LRBA: variants seen among roughly 807,000 people sequenced by gnomAD.
The protein encoded by LRBA is lipopolysaccharide-responsive and beige-like anchor protein.
Under a neutral mutation model 330.0 loss-of-function variants are expected in LRBA, and 176 were observed. The observed-to-expected ratio is 0.53, with a 90% CI of 0.47 to 0.60. The LOEUF (loss-of-function observed/expected upper bound fraction) is 0.60, where lower values mean the gene tolerates loss of function less well. Ranked by LOEUF, LRBA falls within the 20% of genes least tolerant of loss-of-function variation. LRBA has a pLI of 0.00. For synonymous variants in LRBA, 1,230 were observed against 1,193.0 expected (o/e 1.03, Z -0.64); for missense variants, 3,259 against 3,444.8 (o/e 0.95, Z 1.35).
intron 47 of LRBA, among the ~76,000 whole-genome samples, chr4:150,383,794 G>A (rs1341667506): frequency 1.3e-5 from 2 of 151,838 alleles, no homozygotes; most frequent in African/African-American, 4.8e-5. Flanking sequence ...CCTGAGGGCA[G>A]AAATTTAAAA....
intron 36 of LRBA, among the ~76,000 whole-genome samples, chr4:150,694,736 C>T (rs1432778022): frequency 1.3e-5 from 2 of 151,794 alleles, no homozygotes; most frequent in Non-Finnish European, 2.9e-5. Flanking sequence ...AGGCAGAACA[C>T]TTATCAAAGT....
At chr4:150,863,463 A>G (rs1752225442) in intron 22 of LRBA, among the ~76,000 whole-genome samples, 1 of 152,102 alleles carries the variant, frequency 6.6e-6, no homozygotes, top group Non-Finnish European at 1.5e-5. Context: ...GGAGTTCGAG[A>G]CCAGCCTGGC....
At chr4:150,936,257 G>A (rs1476798056) in intron 2 of LRBA, among the ~76,000 whole-genome samples, 1 of 151,936 alleles carries the variant, frequency 6.6e-6, no homozygotes, top group African/African-American at 2.4e-5. Context: ...TAAATGTGAG[G>A]AATAACAATC....
rs1464206092 is a variant in LRBA at position 150,360,485 on chromosome 4, G to A, written c.7195-10326C>T. Reference sequence around the variant, plus strand: ...TGGACAGCACATGTTGATCACACTAGCCACATTTCAAGTGATCAACAACCA... The same window carrying A: ...TGGACAGCACATGTTGATCACACTAACCACATTTCAAGTGATCAACAACCA... On this transcript the variant is annotated intron_variant, in intron 47 of 56. Coordinates refer to ENST00000651943, the MANE Select transcript of LRBA (RefSeq NM_001364905.1). Among the ~76,000 whole-genome samples the A allele has an allele frequency of 2.0e-5, 3 of 152,062 alleles. No homozygotes were observed. The East Asian group carries it at 5.8e-4, about 29-fold the overall frequency.
Position 150,893,093 on chromosome 4 carries a change from A to G in LRBA, c.2124T>C (p.Pro708=). 1 of 1,612,598 alleles carries G rather than the reference A, an allele frequency of 6.2e-7. No individual in the cohort carries two copies. Among genetic ancestry groups the G allele is most frequent in the Non-Finnish European group, 8.5e-7 (1 of 1,179,080 alleles). Residue 708 remains proline (P), a synonymous_variant, in exon 17 of 57, where the codon CCT becomes CCC. Coordinates refer to ENST00000651943, the MANE Select transcript of LRBA (RefSeq NM_001364905.1). ...QLLVALMSEH[P]NSMIPAFDQR... Reference sequence around the variant, plus strand: ...GGTCAAAAGCAGGAATCATAGAGTTAGGGTGTTCTGACATTAATGCAACAA... The same window carrying G: ...GGTCAAAAGCAGGAATCATAGAGTTGGGGTGTTCTGACATTAATGCAACAA...
At chr4:150,600,955 C>T (rs1774050306) in intron 37 of LRBA, among the ~76,000 whole-genome samples, 1 of 152,088 alleles carries the variant, frequency 6.6e-6, no homozygotes, top group African/African-American at 2.4e-5. Flanking sequence ...AGGATGCAGT[C>T]GTGAATCACA....
chr4:150,292,675 A>G (rs768970572), intron 53 of LRBA, among the ~76,000 whole-genome samples: 1 of 152,212 alleles, frequency 6.6e-6, no homozygotes, highest in Non-Finnish European at 1.5e-5. Context: ...TTCTTAAGAT[A>G]TGTGAGGTAC....
chr4:150,520,134 G>C (rs1054790052), intron 40 of LRBA, among the ~76,000 whole-genome samples: 3 of 152,132 alleles, frequency 2.0e-5, no homozygotes, highest in African/African-American at 7.2e-5. Context: ...TAATCATTTT[G>C]TTAATAATCT....
chr4:150,610,408 C>T (rs4642231), intron 37 of LRBA, among the ~76,000 whole-genome samples: 107,850 of 152,000 alleles, frequency 0.71, 45,012 homozygotes, highest in Non-Finnish European at 0.91. Flanking sequence ...GCCAACATGG[C>T]GAAAACTCGT....
intron 48 of LRBA, among the ~76,000 whole-genome samples, chr4:150,345,367 A>T (rs188062484): frequency 1.4e-4 from 21 of 152,346 alleles, no homozygotes; most frequent in African/African-American, 4.3e-4. Flanking sequence ...CTCACTTAAC[A>T]ATGAACTCAG....
chr4:150,268,355 A>AAGT (rs1745636318), intron 56 of LRBA, among the ~76,000 whole-genome samples: 2 of 152,234 alleles, frequency 1.3e-5, no homozygotes, highest in African/African-American at 4.8e-5. Flanking sequence ...ACATTTAAAG[A>AAGT]AGTATTAACA....
chr4:150,679,628 G>C (rs1011158074), intron 37 of LRBA: 1 of 152,284 alleles, frequency 6.6e-6, no homozygotes, highest in Non-Finnish European at 1.5e-5. Context: ...ATGTCTTTCA[G>C]GAAGAGACGC....
rs113344030 is a variant in LRBA at position 150,378,617 on chromosome 4, C to G, written c.7195-28458G>C. Among the ~76,000 whole-genome samples, 1,316 of 152,262 alleles carry G rather than the reference C, an allele frequency of 8.6e-3. 17 individuals are homozygous for G. The highest frequency in any genetic ancestry group is 0.03 in the African/African-American group (1,249 of 41,550). ...CTCATATGCATCAGAGACGGAATCA[C>G]ATTGTAAGTAAAGGTGTTAGGCTGC... On this transcript the variant is annotated intron_variant, in intron 47 of 56. Transcript: ENST00000651943.
intron 2 of LRBA, among the ~76,000 whole-genome samples, chr4:151,000,544 GAGGGT>G (rs1743211830): frequency 6.6e-6 from 1 of 152,232 alleles, no homozygotes. Context: ...TGATCGTGGA[GAGGGT>G]AGTCACTTAG....
chr4:150,416,609 T>G (rs1747791774), intron 46 of LRBA, among the ~76,000 whole-genome samples: 1 of 150,186 alleles, frequency 6.7e-6, no homozygotes, highest in Non-Finnish European at 1.5e-5. Context: ...ACCATTAGAC[T>G]TAAAAAGCAT....
intron 42 of LRBA, among the ~76,000 whole-genome samples, chr4:150,481,458 A>G (rs1447016486): frequency 6.6e-6 from 1 of 152,066 alleles, no homozygotes; most frequent in Non-Finnish European, 1.5e-5. Context: ...ATCAAACTTA[A>G]GTGTACAATT....
chr4:150,775,326 T>G (rs1737128200), intron 34 of LRBA, among the ~76,000 whole-genome samples: 1 of 152,066 alleles, frequency 6.6e-6, no homozygotes, highest in Admixed American at 6.6e-5. Context: ...TCTCCCCAAA[T>G]TATTTTATTT....
intron 35 of LRBA, among the ~76,000 whole-genome samples, chr4:150,757,129 G>C (rs1734417539): frequency 6.6e-6 from 1 of 151,966 alleles, no homozygotes; most frequent in South Asian, 2.1e-4. Flanking sequence ...AATTATTCTA[G>C]CTCTCTAAAA....
chr4:150,489,189 T>TACG (rs1369519211), intron 41 of LRBA, among the ~76,000 whole-genome samples: 32 of 123,648 alleles, frequency 2.6e-4, no homozygotes, highest in Non-Finnish European at 3.8e-4. Flanking sequence ...ATATAATATA[T>TACG]TATATATAAG....
Sources: gnomAD v4.1 joint callset for allele counts (sites outside exome capture counted in the v4.1 genomes callset) on GRCh38, gnomAD v4.1.1 for gene constraint, MANE v1.5 for transcripts, NCBI Gene and HGNC (gene_info 2026-07-23, HGNC 2026-07-21) for gene names.